The following TF variants were observed in gnomAD, a reference collection of about 807,000 sequenced individuals.
TF encodes transferrin.
TF carries 55 observed loss-of-function variants against 82.4 expected under a neutral mutation model. The ratio of observed to expected loss-of-function variants is 0.67; its 90% CI spans 0.54 to 0.84. The LOEUF (loss-of-function observed/expected upper bound fraction) is 0.84. Ranked by LOEUF, TF falls within the 40% of genes least tolerant of loss-of-function variation. The pLI, the probability that TF is intolerant of heterozygous loss-of-function variation, is 0.00. For missense variants in TF, 737 were observed against 868.4 expected, an observed-to-expected ratio of 0.85 and a Z score of 1.90; for synonymous variants, 332 against 332.6, an observed-to-expected ratio of 1.00 and a Z score of 0.02.
intron 3 of TF, 165 bp downstream of exon 3, chr3:133,753,868 G>T (rs1933745208): frequency 2.9e-6 from 2 of 701,716 alleles, no homozygotes; most frequent in East Asian, 5.4e-5. Flanking sequence ...ACACATCAAG[G>T]CCTCTGGGGG....
chr3:133,681,522 G>A, the TF span, among the ~76,000 whole-genome samples: 1 of 152,230 alleles, frequency 6.6e-6, no homozygotes, highest in Non-Finnish European at 1.5e-5. Flanking sequence ...CTTTTCCAAA[G>A]GTCTTAGCAA....
the TF span, among the ~76,000 whole-genome samples, chr3:133,733,356 C>T: frequency 1.3e-5 from 2 of 152,218 alleles, no homozygotes; most frequent in Non-Finnish European, 2.9e-5. Flanking sequence ...GTCCCCATCC[C>T]TGACTACTAA....
chr3:133,794,279 T>C lies in TF; in HGVS notation c.*15659T>C, dbSNP rs916333614. On this transcript the variant is annotated 3_prime_UTR_variant, in exon 17 of 17. Transcript: ENST00000402696. The stretch of plus-strand genomic sequence containing the variant: ...TTGAATATATTGATGTGGTGACTTA[T>C]AAATTGCTAAAATAGTTTATAACCA... 3 of 152,236 alleles carry C rather than the reference T, an allele frequency of 2.0e-5. No homozygotes were observed. The highest frequency in any genetic ancestry group is 2.9e-5 in the Non-Finnish European group (2 of 68,044). The allele number at this position is 152,236 out of a possible 1,614,324, so 9.4% of individuals were successfully genotyped here.
At chr3:133,692,407 C>G in the TF span, among the ~76,000 whole-genome samples, 1 of 152,124 alleles carries the variant, frequency 6.6e-6, no homozygotes, top group African/African-American at 2.4e-5. Context: ...GCAGGGAGAA[C>G]TGCTGTTGGG....
At position 133,766,179 on chromosome 3, in the gene TF, T is replaced by A; in HGVS notation, c.1331-99T>A. On this transcript the variant is annotated intron_variant, in intron 11 of 16. Coordinates refer to ENST00000402696, the MANE Select transcript of TF (RefSeq NM_001063.4). ...GATCCTCTCAAGACACAATGACTGA[T>A]TGAGGATATCTTTGCTTCCCTAGGG... 5.3e-6 allele frequency: 6 copies of A among 1,133,694 alleles called. No homozygotes were observed. In the South Asian group the frequency reaches 7.4e-5, roughly 14 times the overall value. The allele number at this position is 1,133,694 out of a possible 1,614,324, so 70.2% of individuals were successfully genotyped here.
the TF span, among the ~76,000 whole-genome samples, chr3:133,702,937 C>T: frequency 0.75 from 112,980 of 151,516 alleles, 42,586 homozygotes; most frequent in Non-Finnish European, 0.81. Context: ...CATTGCCTGG[C>T]ATATAGTTAG....
rs190961362 is a variant in TF, at chr3:133,783,126, C to A, written c.*4506C>A. The A allele has an allele frequency of 3.3e-5, 5 of 152,346 alleles. No homozygotes were observed. The highest frequency in any genetic ancestry group is 1.2e-4 in the African/African-American group (5 of 41,568). The allele number at this position is 152,346 out of a possible 1,614,324, so 9.4% of individuals were successfully genotyped here. A position where few individuals can be genotyped will look rare whatever the true frequency, so the allele number is the denominator to read the frequency against. On this transcript the variant is annotated 3_prime_UTR_variant, in exon 17 of 17. Coordinates refer to ENST00000402696, the MANE Select transcript of TF (RefSeq NM_001063.4). The stretch of plus-strand genomic sequence containing the variant: ...AATAAATTCTACTTTATTTGGGATT[C>A]CTCCTTCACTGTAGTAATCTTTTTT...
In TF at chr3:133,792,698, T is replaced by A. The variant is rs1484178946; in HGVS notation, c.*14078T>A. The A allele has an allele frequency of 1.3e-5, 2 of 152,186 alleles. No individual in the cohort carries two copies. The highest frequency in any genetic ancestry group is 4.8e-5 in the African/African-American group (2 of 41,456). The allele number at this position is 152,186 out of a possible 1,614,324, so 9.4% of individuals were successfully genotyped here. A position where few individuals can be genotyped will look rare whatever the true frequency, so the allele number is the denominator to read the frequency against. On this transcript the variant is annotated 3_prime_UTR_variant, in exon 17 of 17. Coordinates refer to ENST00000402696, the MANE Select transcript of TF (RefSeq NM_001063.4). Reference sequence around the variant, plus strand: ...TGAATGCATTTTCAGTGAAAGATTATAACAAGGCATGGGAATGTAGATTTT... The same window carrying A: ...TGAATGCATTTTCAGTGAAAGATTAAAACAAGGCATGGGAATGTAGATTTT...
rs1313816431 is a variant in TF at position 133,784,442 on chromosome 3, C to T, written c.*5822C>T. 1 of 142,384 alleles carries T rather than the reference C, an allele frequency of 7.0e-6. No individual in the cohort carries two copies. Among genetic ancestry groups the T allele is most frequent in the Non-Finnish European group, 1.5e-5 (1 of 66,192 alleles). The allele number at this position is 142,384 out of a possible 1,614,324, so 8.8% of individuals were successfully genotyped here. ...GACTTATGATAGAGTTAGAAAATCA[C>T]ACATCTTGTAAATTCCCATTTGTTA... is the stretch of plus-strand genomic sequence containing the variant. On this transcript the variant is annotated 3_prime_UTR_variant, in exon 17 of 17. Coordinates refer to ENST00000402696, the MANE Select transcript of TF (RefSeq NM_001063.4).
At chr3:133,699,658 T>G in the TF span, 1 of 495,406 alleles carries the variant, frequency 2.0e-6, no homozygotes, top group Non-Finnish European at 4.1e-6. Flanking sequence ...TCTGGCTTAG[T>G]GCTCCCTGCT....
At chr3:133,718,971 T>C in the TF span, among the ~76,000 whole-genome samples, 1 of 152,168 alleles carries the variant, frequency 6.6e-6, no homozygotes, top group Admixed American at 6.5e-5. Context: ...TAGCTAGGTA[T>C]AGAGGGACCT....
Position 133,786,230 on chromosome 3 carries a change from A to AAAAAAC in TF, c.*7615_*7616insCAAAAA, listed in dbSNP as rs1934680055. 1 of 77,142 alleles carries AAAAAAC rather than the reference A, an allele frequency of 1.3e-5. No individual in the cohort carries two copies. The highest frequency in any genetic ancestry group is 3.5e-5 in the African/African-American group (1 of 28,720). 4.8% of individuals were successfully genotyped at this position (77,142 alleles called of 1,614,324 possible). ...TCAATAAAAAAATAAATTAAAAAAA[A>AAAAAAC]AAAAAAAAAACAATACTATTTTTTG... is the stretch of plus-strand genomic sequence containing the variant. On this transcript the variant is annotated 3_prime_UTR_variant, in exon 17 of 17. Coordinates refer to ENST00000402696, the MANE Select transcript of TF (RefSeq NM_001063.4).
chr3:133,741,885 T>C (rs1933401250), upstream of TF, among the ~76,000 whole-genome samples: 1 of 152,246 alleles, frequency 6.6e-6, no homozygotes, highest in Non-Finnish European at 1.5e-5. Flanking sequence ...TGTCATGATG[T>C]CTTTGTTAGT....
the TF span, among the ~76,000 whole-genome samples, chr3:133,724,782 G>A: frequency 6.6e-6 from 1 of 152,164 alleles, no homozygotes. Flanking sequence ...GGATTTTATG[G>A]TTTTAGGTCT....
chr3:133,714,540 G>A, the TF span, among the ~76,000 whole-genome samples: 1 of 152,180 alleles, frequency 6.6e-6, no homozygotes, highest in Admixed American at 6.5e-5. Flanking sequence ...ACATCAGAAG[G>A]TGCATTGGTG....
chr3:133,769,552 T>G (rs546499792), intron 13 of TF, among the ~76,000 whole-genome samples: 11 of 152,278 alleles, frequency 7.2e-5, no homozygotes, highest in African/African-American at 2.6e-4. Context: ...ATAAAAAGAC[T>G]CCAAACTCCA....
At position 133,795,414 on chromosome 3, in the gene TF, G is replaced by A. The variant is rs1204447964; in HGVS notation, c.*16794G>A. ...GGCCTCTCTTCAACTGGAATGACAA[G>A]AGCTGAAAGAAATTGCAGCCATGAG... On this transcript the variant is annotated 3_prime_UTR_variant, in exon 17 of 17. Coordinates refer to ENST00000402696, the MANE Select transcript of TF (RefSeq NM_001063.4). The A allele has an allele frequency of 2.6e-5, 4 of 152,092 alleles. No homozygotes were observed. The highest frequency in any genetic ancestry group is 5.9e-5 in the Non-Finnish European group (4 of 68,046). 9.4% of individuals were successfully genotyped at this position (152,092 alleles called of 1,614,324 possible). A position where few individuals can be genotyped will look rare whatever the true frequency, so the allele number is the denominator to read the frequency against.
the TF span, among the ~76,000 whole-genome samples, chr3:133,739,706 T>C: frequency 1.1e-4 from 16 of 151,948 alleles, no homozygotes; most frequent in African/African-American, 3.9e-4. Flanking sequence ...AGAAGACATT[T>C]AGGCAGCCAA....
At chr3:133,764,134 C>T in intron 9 of TF, 48 bp from the exon 10 acceptor site, 1 of 1,560,450 alleles carries the variant, frequency 6.4e-7, no homozygotes, top group African/African-American at 1.4e-5. Context: ...GTGGGTGGCA[C>T]AGGAAACAGC....
Sources: allele counts gnomAD v4.1 joint callset (sites outside exome capture counted in the v4.1 genomes callset), GRCh38; gene constraint gnomAD v4.1.1; transcripts MANE v1.5; gene names NCBI Gene and HGNC (gene_info 2026-07-23, HGNC 2026-07-21).